Variants in FSTL5 observed in about 807,000 individuals in gnomAD.
The protein encoded by FSTL5 is follistatin-related protein 5.
FSTL5 carries 62 observed loss-of-function variants against 89.1 expected under a neutral mutation model. The ratio of observed to expected loss-of-function variants is 0.70; its 90% CI spans 0.57 to 0.86. The LOEUF is 0.86. Among genes scored for constraint, FSTL5 ranks in the 40% least tolerant of loss-of-function variants. The pLI, the probability that FSTL5 is intolerant of heterozygous loss-of-function variation, is 0.00. For synonymous variants in FSTL5, 383 were observed against 346.2 expected, an observed-to-expected ratio of 1.11 and a Z score of -1.18; for missense variants, 1,057 against 1,001.6, an observed-to-expected ratio of 1.06 and a Z score of -0.75.
chr4:161,584,932 G>A (rs751452911), intron 8 of FSTL5, among the ~76,000 whole-genome samples: 3 of 152,102 alleles, frequency 2.0e-5, no homozygotes, highest in South Asian at 2.1e-4. Flanking sequence ...CTTGTACCTC[G>A]AAAAGGAAAA....
chr4:161,396,169 A>G (rs942631103), intron 15 of FSTL5, among the ~76,000 whole-genome samples: 2 of 151,930 alleles, frequency 1.3e-5, no homozygotes, highest in African/African-American at 4.8e-5. Context: ...CAGATACCCT[A>G]GCTGAGCTCA....
rs938497783 is a variant in FSTL5 at position 161,998,856 on chromosome 4, C to A, written c.160+34769G>T. 6.2e-5 allele frequency among the ~76,000 whole-genome samples: 5 copies of A among 80,802 alleles called. No homozygotes were observed. In the South Asian group the frequency reaches 2.4e-3, roughly 38 times the overall value. 53.0% of individuals were successfully genotyped at this position (80,802 alleles called of 152,430 possible). ...ATGGTGAAGCAGTTAAACACACACA[C>A]AACACACACACACACACACACACAC... On this transcript the variant is annotated intron_variant, in intron 3 of 15. Coordinates refer to ENST00000306100, the MANE Select transcript of FSTL5 (RefSeq NM_020116.5).
intron 7 of FSTL5, among the ~76,000 whole-genome samples, chr4:161,639,785 G>T (rs1037534605): frequency 1.3e-5 from 2 of 152,100 alleles, no homozygotes; most frequent in Non-Finnish European, 2.9e-5. Flanking sequence ...GCTGGGAAAG[G>T]GGATCCTGTC....
At chr4:161,783,661 TTCTCTTTCTTTCTTTC>T (rs1262275189) in intron 4 of FSTL5, among the ~76,000 whole-genome samples, 1 of 68,054 alleles carries the variant, frequency 1.5e-5, no homozygotes, top group Non-Finnish European at 3.2e-5. Flanking sequence ...CTTTCTTTCT[TTCTCTTTCTTTCTTTC>T]TCTTTCTTTC....
chr4:162,033,667 A>T lies in FSTL5; in HGVS notation c.127-9T>A, dbSNP rs2111197785. 6.8e-7 allele frequency: 1 copy of T among 1,474,304 alleles called. No individual in the cohort carries two copies. Among genetic ancestry groups the T allele is most frequent in the South Asian group, 1.2e-5 (1 of 82,052 alleles). 91.3% of individuals were successfully genotyped at this position (1,474,304 alleles called of 1,614,324 possible). A position where few individuals can be genotyped will look rare whatever the true frequency, so the allele number is the denominator to read the frequency against. On this transcript the variant is annotated splice_polypyrimidine_tract_variant and intron_variant, in intron 2 of 15. Coordinates refer to ENST00000306100, the MANE Select transcript of FSTL5 (RefSeq NM_020116.5). ...TCTTGATTTTTTTCCTGCTGGAAAT[A>T]AAACAGAAAATAGGTCAAAATATGT...
chr4:161,490,072 G>A (rs1250794988), intron 12 of FSTL5, among the ~76,000 whole-genome samples: 1 of 152,020 alleles, frequency 6.6e-6, no homozygotes, highest in Non-Finnish European at 1.5e-5. Flanking sequence ...AAAAATTCTA[G>A]TTATTAAAAG....
At chr4:161,387,652 A>T (rs762894687) in intron 15 of FSTL5, 55 of 152,050 alleles carry the variant, frequency 3.6e-4, no homozygotes, top group Admixed American at 3.5e-3. Context: ...ATATAAATAA[A>T]CATATATTAA....
intron 4 of FSTL5, among the ~76,000 whole-genome samples, chr4:161,842,914 A>G (rs1731256882): frequency 6.6e-6 from 1 of 152,102 alleles, no homozygotes; most frequent in East Asian, 1.9e-4. Context: ...CCTTAAGGAA[A>G]TGAGAAAAAT....
chr4:161,460,794 G>C (rs1733538362), intron 13 of FSTL5, among the ~76,000 whole-genome samples: 1 of 151,918 alleles, frequency 6.6e-6, no homozygotes, highest in Non-Finnish European at 1.5e-5. Flanking sequence ...TCACTATACT[G>C]TTTTGGGATC....
chr4:161,834,235 T>A (rs1730952588), intron 4 of FSTL5, among the ~76,000 whole-genome samples: 1 of 152,150 alleles, frequency 6.6e-6, no homozygotes, highest in Admixed American at 6.6e-5. Context: ...AGAAAAGGCC[T>A]TTGACAAAAT....
At chr4:161,677,981 A>G (rs1737366652) in intron 6 of FSTL5, among the ~76,000 whole-genome samples, 2 of 151,852 alleles carry the variant, frequency 1.3e-5, no homozygotes, top group South Asian at 4.1e-4. Context: ...GTCAATTAAA[A>G]CATATGAATT....
intron 3 of FSTL5, among the ~76,000 whole-genome samples, chr4:161,992,920 ATATATGTGTG>A (rs1736170419): frequency 8.6e-5 from 1 of 11,628 alleles, no homozygotes; most frequent in African/African-American, 1.8e-4. Flanking sequence ...ATATATATAT[ATATATGTGTG>A]TATATATATA....
At chr4:161,813,324 T>C (rs752892608) in intron 4 of FSTL5, among the ~76,000 whole-genome samples, 25 of 152,246 alleles carry the variant, frequency 1.6e-4, no homozygotes, top group Admixed American at 7.2e-4. Context: ...CCACCGCGCC[T>C]GGCTGAAAGA....
chr4:161,870,168 T>A (rs1006876092), intron 4 of FSTL5, among the ~76,000 whole-genome samples: 3 of 152,144 alleles, frequency 2.0e-5, no homozygotes, highest in Non-Finnish European at 4.4e-5. Flanking sequence ...AGATAAAACA[T>A]GTATAATTTG....
intron 8 of FSTL5, among the ~76,000 whole-genome samples, chr4:161,559,465 C>A (rs2126568411): frequency 6.6e-6 from 1 of 151,832 alleles, no homozygotes. Flanking sequence ...TTCAAATGTA[C>A]ATTTTAGTTT....
intron 15 of FSTL5, among the ~76,000 whole-genome samples, chr4:161,425,177 G>A (rs1045170768): frequency 6.6e-6 from 1 of 152,166 alleles, no homozygotes; most frequent in Non-Finnish European, 1.5e-5. Context: ...CTGCAAATGA[G>A]CTTCAATTTT....
At chr4:162,059,244 A>T (rs926703959) in intron 2 of FSTL5, among the ~76,000 whole-genome samples, 6 of 152,170 alleles carry the variant, frequency 3.9e-5, no homozygotes, top group African/African-American at 1.2e-4. Context: ...CAAGAGAAAA[A>T]CACAGCAATC....
At chr4:161,700,881 A>C (rs1279301348) in intron 6 of FSTL5, among the ~76,000 whole-genome samples, 5 of 152,214 alleles carry the variant, frequency 3.3e-5, no homozygotes, top group African/African-American at 1.2e-4. Flanking sequence ...TTTACTCAAA[A>C]TATGTTTCAA....
At chr4:161,775,106 T>A (rs1034329037) in intron 5 of FSTL5, among the ~76,000 whole-genome samples, 2 of 152,150 alleles carry the variant, frequency 1.3e-5, no homozygotes, top group African/African-American at 4.8e-5. Context: ...CCAGATTTTT[T>A]AAATAAGCCA....
Sources: gnomAD v4.1 joint callset for allele counts (sites outside exome capture counted in the v4.1 genomes callset) on GRCh38, gnomAD v4.1.1 for gene constraint, MANE v1.5 for transcripts, NCBI Gene and HGNC (gene_info 2026-07-23, HGNC 2026-07-21) for gene names.